Variants in AGBL4 observed in about 807,000 individuals in gnomAD.
The protein encoded by AGBL4 is AGBL carboxypeptidase 4, also known as cytosolic carboxypeptidase 6.
AGBL4 carries 58 observed loss-of-function variants against 66.4 expected under a neutral mutation model. The ratio of observed to expected loss-of-function variants is 0.87; its 90% CI spans 0.71 to 1.09. The LOEUF is 1.09. Among genes scored for constraint, AGBL4 ranks in the 50% least tolerant of loss-of-function variants. The probability of loss-of-function intolerance (pLI) is 0.00; values close to 1 mark genes in which losing one functional copy is unlikely to be tolerated. For missense variants in AGBL4, 579 were observed against 631.0 expected (o/e 0.92, Z 0.88); for synonymous variants, 234 against 222.9 (o/e 1.05, Z -0.44).
chr1:49,459,115 C>A (rs1646454897), intron 3 of AGBL4, among the ~76,000 whole-genome samples: 1 of 151,296 alleles, frequency 6.6e-6, no homozygotes, highest in Admixed American at 6.6e-5. Context: ...ATACTGGCTT[C>A]ATAGAATGAT....
intron 11 of AGBL4, among the ~76,000 whole-genome samples, chr1:48,580,643 G>C (rs142661121): frequency 6.6e-6 from 1 of 152,310 alleles, no homozygotes; most frequent in African/African-American, 2.4e-5. Context: ...CATGGGGCCT[G>C]CCAGAGCTTT....
rs1364991249 is a variant in AGBL4, at chr1:49,902,423, G to GA, written c.35-50906dup. On this transcript the variant is annotated intron_variant, in intron 1 of 13. Coordinates refer to ENST00000371839, the MANE Select transcript of AGBL4 (RefSeq NM_032785.4). ...ACATACATGCAGCCTACAAGCATATGAAAAAATGCTCAACATTACTAATCA... is the reference window on the plus strand; with the variant it reads ...ACATACATGCAGCCTACAAGCATATGAAAAAAATGCTCAACATTACTAATCA... Among the ~76,000 whole-genome samples, 9 of 152,264 alleles carry GA rather than the reference G, an allele frequency of 5.9e-5. No individual in the cohort carries two copies. In the East Asian group the frequency reaches 1.2e-3, roughly 20 times the overall value.
intron 3 of AGBL4, among the ~76,000 whole-genome samples, chr1:49,340,934 T>A (rs982219973): frequency 1.3e-5 from 2 of 152,338 alleles, no homozygotes; most frequent in Admixed American, 1.3e-4. Context: ...TATAGATTCC[T>A]GTGGAAGACA....
At chr1:48,661,726 G>T (rs72901160) in intron 7 of AGBL4, among the ~76,000 whole-genome samples, 3,414 of 152,256 alleles carry the variant, frequency 0.022, 71 homozygotes, top group African/African-American at 0.055. Flanking sequence ...CCACAGGGGA[G>T]GTGAGCACAG....
At chr1:49,650,387 T>A (rs1385137397) in intron 3 of AGBL4, among the ~76,000 whole-genome samples, 1 of 152,220 alleles carries the variant, frequency 6.6e-6, no homozygotes, top group Non-Finnish European at 1.5e-5. Flanking sequence ...GACAAACTGC[T>A]GACGACTAAA....
At chr1:49,414,472 G>A (rs1404214413) in intron 3 of AGBL4, among the ~76,000 whole-genome samples, 1 of 152,154 alleles carries the variant, frequency 6.6e-6, no homozygotes, top group Admixed American at 6.6e-5. Context: ...TTTTTGAAGT[G>A]AAATTATCCA....
intron 6 of AGBL4, among the ~76,000 whole-genome samples, chr1:48,842,774 C>T (rs139210427): frequency 6.6e-6 from 1 of 152,174 alleles, no homozygotes; most frequent in African/African-American, 2.4e-5. Flanking sequence ...ACATAAATTT[C>T]CATCGAGGGA....
intron 4 of AGBL4, among the ~76,000 whole-genome samples, chr1:49,062,087 C>G (rs1644413127): frequency 6.6e-6 from 1 of 152,280 alleles, no homozygotes; most frequent in South Asian, 2.1e-4. Flanking sequence ...AGATTGCACT[C>G]TCCTTATGAG....
At chr1:48,696,049 G>A (rs1164637149) in intron 6 of AGBL4, among the ~76,000 whole-genome samples, 4 of 152,136 alleles carry the variant, frequency 2.6e-5, no homozygotes, top group South Asian at 2.1e-4. Flanking sequence ...GGCTGTCTGC[G>A]CTGGCCCTGA....
At chr1:48,759,746 A>T (rs1304060757) in intron 6 of AGBL4, among the ~76,000 whole-genome samples, 1 of 152,190 alleles carries the variant, frequency 6.6e-6, no homozygotes, top group Non-Finnish European at 1.5e-5. Context: ...CAAAAACATA[A>T]AATTCCTCCC....
At chr1:50,020,105 A>G (rs188034820) in intron 1 of AGBL4, among the ~76,000 whole-genome samples, 18 of 152,136 alleles carry the variant, frequency 1.2e-4, no homozygotes, top group African/African-American at 4.1e-4. Context: ...AAATTCCTCA[A>G]AATCTACCTC....
intron 6 of AGBL4, among the ~76,000 whole-genome samples, chr1:48,744,149 G>A (rs769902807): frequency 6.6e-6 from 1 of 152,272 alleles, no homozygotes; most frequent in South Asian, 2.1e-4. Context: ...CATCATCATC[G>A]TTCTGACAGC....
chr1:49,031,224 A>C (rs544592041), intron 5 of AGBL4, among the ~76,000 whole-genome samples: 1 of 152,054 alleles, frequency 6.6e-6, no homozygotes, highest in Non-Finnish European at 1.5e-5. Context: ...AGTAGCTGGG[A>C]CTACAGGTAC....
chr1:49,247,171 C>G (rs1471301916), intron 3 of AGBL4, among the ~76,000 whole-genome samples: 2 of 151,900 alleles, frequency 1.3e-5, no homozygotes, highest in South Asian at 4.2e-4. Flanking sequence ...AATTCCATAA[C>G]CCTAAACAAG....
chr1:49,789,134 G>A (rs1644530395), intron 2 of AGBL4, among the ~76,000 whole-genome samples: 1 of 152,108 alleles, frequency 6.6e-6, no homozygotes, highest in African/African-American at 2.4e-5. Flanking sequence ...TTTATGTGAT[G>A]GATTACATTT....
At chr1:49,804,161 A>T (rs1311703881) in intron 2 of AGBL4, among the ~76,000 whole-genome samples, 1 of 152,220 alleles carries the variant, frequency 6.6e-6, no homozygotes, top group Non-Finnish European at 1.5e-5. Context: ...ATAACTTTAA[A>T]AGCACTCTTC....
intron 4 of AGBL4, among the ~76,000 whole-genome samples, chr1:49,075,667 C>T (rs1265596016): frequency 6.6e-6 from 1 of 152,326 alleles, no homozygotes; most frequent in Non-Finnish European, 1.5e-5. Context: ...ATGCAGCTCT[C>T]AGATTATCCA....
intron 4 of AGBL4, among the ~76,000 whole-genome samples, chr1:49,079,844 A>T (rs1047337521): frequency 6.6e-6 from 1 of 152,196 alleles, no homozygotes; most frequent in African/African-American, 2.4e-5. Context: ...CTTGGGCTTA[A>T]ACTTCTTCAG....
At chr1:49,554,488 C>T (rs984264690) in intron 3 of AGBL4, among the ~76,000 whole-genome samples, 1 of 152,278 alleles carries the variant, frequency 6.6e-6, no homozygotes, top group South Asian at 2.1e-4. Flanking sequence ...CAAATTTTCA[C>T]TTTCCATTTG....
Sources: allele counts gnomAD v4.1 joint callset (sites outside exome capture counted in the v4.1 genomes callset), GRCh38; gene constraint gnomAD v4.1.1; transcripts MANE v1.5; gene names NCBI Gene and HGNC (gene_info 2026-07-23, HGNC 2026-07-21).